USP9Y: variants seen among roughly 807,000 people sequenced by gnomAD.
USP9Y encodes the protein ubiquitin specific peptidase 9 Y-linked.
In USP9Y, 41 loss-of-function variants were observed where a neutral mutation model predicts 53.1. That is an observed-to-expected ratio of 0.77 (90% confidence interval 0.60 to 1.00). The LOEUF (loss-of-function observed/expected upper bound fraction) is 1.00. Among genes scored for constraint, USP9Y ranks in the 50% least tolerant of loss-of-function variants. USP9Y has a pLI of 0.00. For synonymous variants in USP9Y, 220 were observed against 173.7 expected (o/e 1.27, Z -2.09); for missense variants, 567 against 535.8 (o/e 1.06, Z -0.58).
chrY:12,702,116 C>A (rs2053416452), intron 1 of USP9Y, 61 bp downstream of exon 1: 1 of 33,572 alleles, frequency 3.0e-5, no homozygotes, highest in African/African-American at 1.2e-4. Context: ...GAGATGTTTA[C>A]AGAAATGTTT....
chrY:12,802,084 A>C, intron 27 of USP9Y: 1 of 34,327 alleles, frequency 2.9e-5, no homozygotes, highest in Non-Finnish European at 7.3e-5. Flanking sequence ...GTTCCAACTC[A>C]ATCTTCACAT....
intron 16 of USP9Y, among the ~76,000 whole-genome samples, chrY:12,772,938 G>C: frequency 3.1e-5 from 1 of 32,707 alleles, no homozygotes; most frequent in Non-Finnish European, 7.5e-5. Flanking sequence ...CACAGAAATA[G>C]TAGACAGAGT....
Position 12,772,555 on chromosome Y carries a change from A to T in USP9Y, c.1989-1028A>T, listed in dbSNP as rs2053486723. On this transcript the variant is annotated intron_variant, in intron 16 of 45. Transcript: ENST00000338981. Reference sequence around the variant, plus strand: ...CGAGGTGGGCGGATTACCTGAGGTCAGGAGTTCAAGATCAGCCAGGCCAAC... The same window carrying T: ...CGAGGTGGGCGGATTACCTGAGGTCTGGAGTTCAAGATCAGCCAGGCCAAC... 1.3e-4 allele frequency among the ~76,000 whole-genome samples: 4 copies of T among 31,474 alleles called. No homozygotes were observed. In the East Asian group the frequency reaches 3.3e-3, roughly 26 times the overall value. The allele number at this position is 31,474 out of a possible 37,273, so 84.4% of individuals were successfully genotyped here. A position where few individuals can be genotyped will look rare whatever the true frequency, so the allele number is the denominator to read the frequency against.
At chrY:12,834,272 G>A (rs2053553272) in intron 34 of USP9Y, among the ~76,000 whole-genome samples, 1 of 32,557 alleles carries the variant, frequency 3.1e-5, no homozygotes, top group Non-Finnish European at 7.5e-5. Flanking sequence ...TTAGAAGGCC[G>A]AAGCAGGTGG....
rs2053434751 is a variant in USP9Y, at chrY:12,720,611, A to T, written c.119A>T (p.Asn40Ile). 2.5e-6 allele frequency: 1 copy of T among 394,978 alleles called. No homozygotes were observed. The highest frequency in any genetic ancestry group is 9.3e-5 in the East Asian group (1 of 10,706). ...QNQTSSPDSS[N>I]ENSVATPPPE... ...AAGACTTCATCACCTGATTCTTCCA[A>T]TGAGAATTCCGTAGCAACTCCTCCT... is the stretch of plus-strand genomic sequence containing the variant. The change falls in exon 4 of 46, where the codon AAT (asparagine) becomes ATT (isoleucine). Residue 40 changes from asparagine (N) to isoleucine (I), a missense_variant. By Grantham distance (149) the Asn-to-Ile change is moderately radical. Transcript: ENST00000338981.
At chrY:12,798,506 T>C (rs993732147) in intron 27 of USP9Y, among the ~76,000 whole-genome samples, 2 of 33,852 alleles carry the variant, frequency 5.9e-5, no homozygotes, top group South Asian at 1.3e-3. Context: ...GAAAAATTTG[T>C]TTTAATTTGA....
intron 3 of USP9Y, 54 bp from the exon 4 acceptor site, chrY:12,720,535 G>T (rs2053434578): frequency 3.1e-6 from 1 of 321,363 alleles, no homozygotes; most frequent in Non-Finnish European, 4.5e-6. Flanking sequence ...CTTAAAAATA[G>T]ATATTTTTCC....
At chrY:12,805,338 A>G in intron 27 of USP9Y, among the ~76,000 whole-genome samples, 1 of 32,972 alleles carries the variant, frequency 3.0e-5, no homozygotes, top group South Asian at 6.9e-4. Context: ...TTCTTTAGGT[A>G]TGCTTTTTCC....
chrY:12,740,246 G>A, intron 12 of USP9Y, among the ~76,000 whole-genome samples: 3 of 33,149 alleles, frequency 9.1e-5, no homozygotes, highest in African/African-American at 2.4e-4. Context: ...AGATTCTTAC[G>A]TTCTATCACC....
At chrY:12,745,122 C>T (rs1603197458) in intron 12 of USP9Y, among the ~76,000 whole-genome samples, 1 of 34,037 alleles carries the variant, frequency 2.9e-5, no homozygotes, top group Non-Finnish European at 7.3e-5. Flanking sequence ...AAGTTTGGAA[C>T]ATAATTTCCC....
chrY:12,814,503 G>A (rs2053534680), intron 31 of USP9Y, among the ~76,000 whole-genome samples: 1 of 18,658 alleles, frequency 5.4e-5, no homozygotes, highest in Non-Finnish European at 1.2e-4. Context: ...ACTCCAGCCT[G>A]GGCGACAGAG....
At chrY:12,713,894 T>C (rs2148279362) in intron 3 of USP9Y, among the ~76,000 whole-genome samples, 2 of 24,783 alleles carry the variant, frequency 8.1e-5, no homozygotes, top group South Asian at 2.1e-3. Context: ...ATTGCTTCTT[T>C]TTTTTTTTTT....
Position 12,839,926 on chromosome Y carries a change from A to G in USP9Y, c.5400A>G (p.Lys1800=). 2.5e-6 allele frequency: 1 copy of G among 398,319 alleles called. No individual in the cohort carries two copies. Among genetic ancestry groups the G allele is most frequent in the Non-Finnish European group, 3.5e-6 (1 of 283,236 alleles). Residue 1800 remains lysine, a synonymous_variant, in exon 36 of 46, where the codon AAA becomes AAG. Transcript: ENST00000338981. ...CTCGGGTTCTTGCTATCCAACTCAA[A>G]CGATTTGACTATGACTGGGAAAGAG... ...KLPRVLAIQL[K]RFDYDWEREC... is the part of the protein sequence containing the mutation.
chrY:12,841,962 C>T, intron 37 of USP9Y, among the ~76,000 whole-genome samples: 2 of 33,243 alleles, frequency 6.0e-5, no homozygotes, highest in African/African-American at 1.2e-4. Context: ...GCATTGCTCA[C>T]GTTGAAAGAT....
chrY:12,775,733 G>A, intron 18 of USP9Y, among the ~76,000 whole-genome samples, 167 bp downstream of exon 18: 4 of 33,772 alleles, frequency 1.2e-4, no homozygotes, highest in Admixed American at 1.1e-3. Flanking sequence ...CTAAAGAAAT[G>A]TTTCTTTGAT....
chrY:12,760,618 G>T lies in USP9Y; in HGVS notation c.1900+1G>T. 1 of 397,502 alleles carries T rather than the reference G, an allele frequency of 2.5e-6. No homozygotes were observed. The highest frequency in any genetic ancestry group is 3.5e-6 in the Non-Finnish European group (1 of 282,622). On this transcript the variant is annotated splice_donor_variant, in intron 15 of 45. Coordinates refer to ENST00000338981, the MANE Select transcript of USP9Y (RefSeq NM_004654.4). LOFTEE classifies it high-confidence loss of function. The stretch of plus-strand genomic sequence containing the variant: ...AATAGCATCAGATTGTATGCTGGAG[G>T]TATGTATGATAAGCTAAAATTAACT...
At position 12,776,740 on chromosome Y, in the gene USP9Y, G is replaced by A; in HGVS notation, c.2519G>A (p.Ser840Asn). The change falls in exon 19 of 46, where the codon AGC (serine) becomes AAC (asparagine). Residue 840 changes from serine (S) to asparagine (N), a missense_variant. By Grantham distance (46) the Ser-to-Asn change is conservative. Transcript: ENST00000338981. ...TLCVFDGDKN[S>N]INCARQEAIR... is the part of the protein sequence containing the mutation. ...TGTGTTTTTGATGGTGACAAAAACA[G>A]CATTAATTGTGCAAGACAAGAAGCC... The A allele has an allele frequency of 2.5e-6, 1 of 395,987 alleles. No individual in the cohort carries two copies. Among genetic ancestry groups the A allele is most frequent in the Non-Finnish European group, 3.6e-6 (1 of 281,072 alleles).
chrY:12,713,304 G>C (rs2053426745), intron 3 of USP9Y, among the ~76,000 whole-genome samples: 1 of 29,715 alleles, frequency 3.4e-5, no homozygotes, highest in African/African-American at 1.3e-4. Context: ...CCAAGTCACT[G>C]GTATTACAGA....
Position 12,846,348 on chromosome Y carries a change from C to T in USP9Y, c.6584C>T (p.Thr2195Ile). The T allele has an allele frequency of 5.0e-6, 2 of 396,937 alleles. No homozygotes were observed. Among genetic ancestry groups the T allele is most frequent in the Non-Finnish European group, 3.5e-6 (1 of 282,705 alleles). ...MYANLGVAEK[T>I]QLLKLNVPAT... ...TTTTTTATAGGTGTGGCAGAAAAAA[C>T]ACAGCTTCTGAAATTGAATGTACCT... Residue 2195 changes from threonine to isoleucine, a missense_variant, in exon 40 of 46, where the codon ACA becomes ATA. Physicochemically the swap from Thr to Ile is moderately conservative, Grantham distance 89 (BLOSUM62 -1). Transcript: ENST00000338981.
Sources: allele counts gnomAD v4.1 joint callset (sites outside exome capture counted in the v4.1 genomes callset), GRCh38; gene constraint gnomAD v4.1.1; transcripts MANE v1.5; gene names NCBI Gene and HGNC (gene_info 2026-07-23, HGNC 2026-07-21).